The following LEKR1 variants were observed in gnomAD, a reference collection of about 807,000 sequenced individuals.
LEKR1 encodes the protein leucine, glutamate and lysine rich 1, also known as protein LEKR1.
In LEKR1, 59 loss-of-function variants were observed where a neutral mutation model predicts 72.4. The ratio of observed to expected loss-of-function variants is 0.82; its 90% confidence interval spans 0.66 to 1.01. The LOEUF (loss-of-function observed/expected upper bound fraction) is 1.01. Ranked by LOEUF, LEKR1 falls within the 50% of genes least tolerant of loss-of-function variation. The pLI, the probability that LEKR1 is intolerant of heterozygous loss-of-function variation, is 0.00. For missense variants in LEKR1, 728 were observed against 759.2 expected (o/e 0.96, Z 0.48); for synonymous variants, 257 against 263.2 (o/e 0.98, Z 0.23).
chr3:156,836,215 G>A (rs550059389), intron 2 of LEKR1, among the ~76,000 whole-genome samples: 1 of 151,988 alleles, frequency 6.6e-6, no homozygotes, highest in Non-Finnish European at 1.5e-5. Flanking sequence ...TAAAAAGGTC[G>A]GATAATGTAA....
At position 157,028,110 on chromosome 3, in the gene LEKR1, A is replaced by T. The variant is rs1358283030; in HGVS notation, c.1376A>T (p.Asp459Val). The T allele has an allele frequency of 1.9e-6, 3 of 1,570,006 alleles. No individual in the cohort carries two copies. The highest frequency in any genetic ancestry group is 2.6e-6 in the Non-Finnish European group (3 of 1,158,806). ...EQEELQMKIS[D>V]LITGATRDLR... is the part of the protein sequence containing the mutation. Reference sequence around the variant, plus strand: ...ATGAGATTTATCTTACAGATATCTGACTTAATCACAGGCGCTACAAGAGAT... The same window carrying T: ...ATGAGATTTATCTTACAGATATCTGTCTTAATCACAGGCGCTACAAGAGAT... Residue 459 changes from aspartate to valine, a missense_variant, in exon 12 of 13, where the codon GAC becomes GTC. Asp to Val is a radical substitution (Grantham distance 152). Coordinates refer to ENST00000356539, the MANE Select transcript of LEKR1 (RefSeq NM_001004316.3).
intron 6 of LEKR1, among the ~76,000 whole-genome samples, chr3:156,952,581 T>C (rs748540642): frequency 2.0e-5 from 3 of 151,376 alleles, no homozygotes; most frequent in Non-Finnish European, 4.4e-5. Context: ...GCAGATTGGG[T>C]TGGTGAGGCA....
At position 157,028,332 on chromosome 3, in the gene LEKR1, C is replaced by T. The variant is rs755439433; in HGVS notation, c.1598C>T (p.Ser533Leu). The change falls in exon 12 of 13, where the codon TCG (serine) becomes TTG (leucine). Residue 533 changes from serine (S) to leucine (L), a missense_variant. By Grantham distance (145) the Ser-to-Leu change is moderately radical. Transcript: ENST00000356539. Reference sequence around the variant, plus strand: ...TTGAGGAAGGAAATGGAACAGAAGTCGGATGAACTGAAAAGAGTAATGCTG... The same window carrying T: ...TTGAGGAAGGAAATGGAACAGAAGTTGGATGAACTGAAAAGAGTAATGCTG... ...ENLRKEMEQK[S>L]DELKRVMLAQ... 9 of 1,613,136 alleles carry T rather than the reference C, an allele frequency of 5.6e-6. No homozygotes were observed. The highest frequency in any genetic ancestry group is 2.2e-5 in the East Asian group (1 of 44,774).
At chr3:156,949,915 A>T (rs1457173942) in intron 6 of LEKR1, among the ~76,000 whole-genome samples, 1 of 151,296 alleles carries the variant, frequency 6.6e-6, no homozygotes, top group Non-Finnish European at 1.5e-5. Context: ...TGGGAAATAT[A>T]CTTTAATTTT....
chr3:156,833,989 G>A (rs1052508593), intron 2 of LEKR1, among the ~76,000 whole-genome samples: 2 of 151,110 alleles, frequency 1.3e-5, no homozygotes, highest in Non-Finnish European at 3.0e-5. Context: ...GTTCAAAAGA[G>A]GAAAACCAAA....
At chr3:156,969,898 G>T (rs1467255452) in intron 6 of LEKR1, among the ~76,000 whole-genome samples, 2 of 152,152 alleles carry the variant, frequency 1.3e-5, no homozygotes, top group Non-Finnish European at 2.9e-5. Context: ...ACCATATCCA[G>T]CAGCACATCA....
At chr3:156,866,153 T>A (rs890516615) in intron 3 of LEKR1, among the ~76,000 whole-genome samples, 2 of 152,048 alleles carry the variant, frequency 1.3e-5, no homozygotes, top group Non-Finnish European at 1.5e-5. Flanking sequence ...AACGTATGCT[T>A]GCTATGTTTG....
At chr3:157,005,772 T>C (rs1262652259) in intron 9 of LEKR1, among the ~76,000 whole-genome samples, 1 of 152,118 alleles carries the variant, frequency 6.6e-6, no homozygotes, top group Non-Finnish European at 1.5e-5. Context: ...TGGAATAATA[T>C]ATTTGCAAAG....
At chr3:156,936,299 C>G (rs1169538564) in intron 5 of LEKR1, among the ~76,000 whole-genome samples, 1 of 151,978 alleles carries the variant, frequency 6.6e-6, no homozygotes, top group Non-Finnish European at 1.5e-5. Flanking sequence ...TTGCTGGCTT[C>G]AATTCTTAAT....
chr3:157,037,906 C>A (rs1735078243), intron 12 of LEKR1, among the ~76,000 whole-genome samples: 1 of 152,040 alleles, frequency 6.6e-6, no homozygotes, highest in Non-Finnish European at 1.5e-5. Context: ...TACTGGGAAC[C>A]TTAAAGAAGC....
At chr3:156,978,252 AAAGTT>A (rs1250526367) in intron 6 of LEKR1, among the ~76,000 whole-genome samples, 1 of 152,230 alleles carries the variant, frequency 6.6e-6, no homozygotes, top group African/African-American at 2.4e-5. Context: ...TTTGTAAAAT[AAAGTT>A]AAGAATGCCG....
At position 156,881,235 on chromosome 3, in the gene LEKR1, G is replaced by A. The variant is rs574462307; in HGVS notation, c.263+28253G>A. ...GTCCCTGTTTGCAGATGACATGATT[G>A]TATATCTAGAAAACCCCATTGTCTC... On this transcript the variant is annotated intron_variant, in intron 3 of 12. Transcript: ENST00000356539. Among the ~76,000 whole-genome samples, 311 of 152,210 alleles carry A rather than the reference G, an allele frequency of 2.0e-3. 2 individuals carry two copies. Among genetic ancestry groups the A allele is most frequent in the South Asian group, 6.2e-3 (30 of 4,818 alleles).
chr3:156,874,302 T>C (rs759669348), intron 3 of LEKR1, among the ~76,000 whole-genome samples: 10 of 152,060 alleles, frequency 6.6e-5, no homozygotes, highest in Non-Finnish European at 1.3e-4. Context: ...TATTCTCTTT[T>C]TTTAAAAAAA....
Position 156,889,300 on chromosome 3 carries a change from G to GAA in LEKR1, c.264-31264_264-31263dup, listed in dbSNP as rs34030934. ...TAAGCATGTTTTGTTTGTTGTTGCT[G>GAA]AAAAAAAAAAAACCCAGCAGCAACC... On this transcript the variant is annotated intron_variant, in intron 3 of 12. Coordinates refer to ENST00000356539, the MANE Select transcript of LEKR1 (RefSeq NM_001004316.3). Among the ~76,000 whole-genome samples, 320 of 145,394 alleles carry GAA rather than the reference G, an allele frequency of 2.2e-3. 5 individuals carry two copies. The East Asian group carries it at 0.032, about 14-fold the overall frequency.
intron 12 of LEKR1, among the ~76,000 whole-genome samples, chr3:157,039,405 A>T (rs2108046293): frequency 6.6e-6 from 1 of 152,218 alleles, no homozygotes; most frequent in Non-Finnish European, 1.5e-5. Context: ...GGATTGCTTG[A>T]GCTTGGAGTT....
At chr3:156,915,524 T>C (rs187780342) in intron 3 of LEKR1, among the ~76,000 whole-genome samples, 1 of 152,322 alleles carries the variant, frequency 6.6e-6, no homozygotes, top group East Asian at 1.9e-4. Flanking sequence ...ATTGAGTTTT[T>C]TTTCATATGC....
At chr3:156,833,064 C>T (rs967996839) in intron 2 of LEKR1, among the ~76,000 whole-genome samples, 1 of 152,114 alleles carries the variant, frequency 6.6e-6, no homozygotes, top group African/African-American at 2.4e-5. Context: ...ATGCTTCATT[C>T]AATTGTTAAA....
chr3:156,930,982 T>A lies in LEKR1; in HGVS notation c.559+3378T>A, dbSNP rs141939648. Among the ~76,000 whole-genome samples, 113 of 152,202 alleles carry A rather than the reference T, an allele frequency of 7.4e-4. 2 individuals carry two copies. The East Asian group carries it at 0.02, about 27-fold the overall frequency. On this transcript the variant is annotated intron_variant, in intron 5 of 12. Coordinates refer to ENST00000356539, the MANE Select transcript of LEKR1 (RefSeq NM_001004316.3). ...ACTAGAAGAAACATAGCAAAATATCTTCATAACTTGATGGTAAATGAAGAT... is the reference window on the plus strand; with the variant it reads ...ACTAGAAGAAACATAGCAAAATATCATCATAACTTGATGGTAAATGAAGAT...
intron 3 of LEKR1, among the ~76,000 whole-genome samples, chr3:156,899,657 C>T (rs1010576860): frequency 7.4e-5 from 10 of 134,634 alleles, no homozygotes; most frequent in African/African-American, 2.0e-4. Flanking sequence ...CATATATACA[C>T]GCATATATAC....
Sources: allele counts gnomAD v4.1 joint callset (sites outside exome capture counted in the v4.1 genomes callset), GRCh38; gene constraint gnomAD v4.1.1; transcripts MANE v1.5; gene names NCBI Gene and HGNC (gene_info 2026-07-23, HGNC 2026-07-21).